The following CDK14 variants were observed in gnomAD, a reference collection of about 807,000 sequenced individuals.
The protein encoded by CDK14 is cyclin-dependent kinase 14.
CDK14 carries 34 observed loss-of-function variants against 60.7 expected under a neutral mutation model. The observed-to-expected ratio is 0.56, with a 90% CI of 0.43 to 0.75. The LOEUF (loss-of-function observed/expected upper bound fraction) is 0.75. Among genes scored for constraint, CDK14 ranks in the 30% least tolerant of loss-of-function variants. The probability of loss-of-function intolerance (pLI) is 0.00; values close to 1 mark genes in which losing one functional copy is unlikely to be tolerated. For missense variants in CDK14, 482 were observed against 564.1 expected (o/e 0.85, Z 1.47); for synonymous variants, 197 against 203.7 (o/e 0.97, Z 0.28).
intron 5 of CDK14, among the ~76,000 whole-genome samples, chr7:90,810,929 A>C (rs1789074404): frequency 6.6e-6 from 1 of 152,130 alleles, no homozygotes; most frequent in Admixed American, 6.6e-5. Flanking sequence ...GGACCTCTTC[A>C]AGGAGAACTA....
chr7:91,181,365 T>C (rs1240519024), intron 14 of CDK14, among the ~76,000 whole-genome samples: 1 of 152,152 alleles, frequency 6.6e-6, no homozygotes, highest in Non-Finnish European at 1.5e-5. Flanking sequence ...TCCCATATTT[T>C]CTACAAATTG....
Position 90,639,093 on chromosome 7 carries a change from G to C in CDK14, c.123+34844G>C, listed in dbSNP as rs1320130505. On this transcript the variant is annotated intron_variant, in intron 2 of 14. Transcript: ENST00000380050. ...TGGTTTGAATTTCCTCCTGTAGCTC[G>C]GAGTAATTTGATCGTCTGAAGCCTT... is the stretch of plus-strand genomic sequence containing the variant. Among the ~76,000 whole-genome samples the C allele has an allele frequency of 3.3e-5, 5 of 152,128 alleles. No individual in the cohort carries two copies. In the East Asian group the frequency reaches 9.6e-4, roughly 29 times the overall value.
chr7:90,732,643 A>G (rs113419121), intron 3 of CDK14, among the ~76,000 whole-genome samples: 20,894 of 152,018 alleles, frequency 0.14, 1,690 homozygotes, highest in Middle Eastern at 0.24. Context: ...TATTTATAGT[A>G]TTTTCTGATA....
At chr7:91,109,652 A>G (rs1401141060) in intron 12 of CDK14, among the ~76,000 whole-genome samples, 2 of 152,100 alleles carry the variant, frequency 1.3e-5, no homozygotes, top group South Asian at 2.1e-4. Context: ...TCCTTGAGAG[A>G]TGAGGATTAT....
chr7:90,801,910 A>G (rs1483061157), intron 5 of CDK14, among the ~76,000 whole-genome samples: 1 of 152,132 alleles, frequency 6.6e-6, no homozygotes, highest in Non-Finnish European at 1.5e-5. Flanking sequence ...TTCCCAGTGG[A>G]GAGAGGACAT....
chr7:90,807,214 A>C (rs1788884413), intron 5 of CDK14, among the ~76,000 whole-genome samples: 1 of 152,158 alleles, frequency 6.6e-6, no homozygotes. Flanking sequence ...GGGAGGCACC[A>C]CCCAGTAGGG....
intron 14 of CDK14, among the ~76,000 whole-genome samples, chr7:91,205,787 T>C (rs1802877384): frequency 6.6e-6 from 1 of 151,974 alleles, no homozygotes; most frequent in African/African-American, 2.4e-5. Flanking sequence ...AGAATGCTCT[T>C]TTTATTTTTA....
intron 2 of CDK14, among the ~76,000 whole-genome samples, chr7:90,634,430 A>AT (rs1800082218): frequency 6.6e-6 from 1 of 150,594 alleles, no homozygotes; most frequent in South Asian, 2.1e-4. Context: ...ATGATTTCCA[A>AT]TTTCATCCAT....
chr7:91,071,679 G>A (rs927440302), intron 11 of CDK14, among the ~76,000 whole-genome samples: 9 of 152,198 alleles, frequency 5.9e-5, no homozygotes, highest in East Asian at 5.8e-4. Context: ...CCACAGCTGC[G>A]GGTGCCTGCT....
chr7:91,171,376 T>A (rs1801513297), intron 14 of CDK14, among the ~76,000 whole-genome samples: 1 of 152,016 alleles, frequency 6.6e-6, no homozygotes, highest in African/African-American at 2.4e-5. Flanking sequence ...AAAAATAAAC[T>A]GACTTTTCCA....
intron 7 of CDK14, among the ~76,000 whole-genome samples, chr7:90,905,180 T>G (rs1792651777): frequency 6.6e-6 from 1 of 152,128 alleles, no homozygotes. Context: ...GGGATGACAA[T>G]TGTGCATCAG....
At chr7:90,862,247 T>A (rs1213046035) in intron 5 of CDK14, among the ~76,000 whole-genome samples, 2 of 152,128 alleles carry the variant, frequency 1.3e-5, no homozygotes, top group African/African-American at 4.8e-5. Context: ...AGTCAGAGAT[T>A]GGCAAAATGC....
intron 4 of CDK14, among the ~76,000 whole-genome samples, chr7:90,750,153 AACACACACAC>A (rs3138824): frequency 0.13 from 17,719 of 131,312 alleles, 1,319 homozygotes; most frequent in Non-Finnish European, 0.18. Context: ...GGGGAAAGAA[AACACACACAC>A]ACACACACAC....
chr7:91,016,410 G>A (rs62468494), intron 10 of CDK14, among the ~76,000 whole-genome samples: 5,249 of 152,076 alleles, frequency 0.035, 116 homozygotes, highest in South Asian at 0.071. Flanking sequence ...TTGATGAAAA[G>A]CCATCAAGCC....
intron 6 of CDK14, among the ~76,000 whole-genome samples, chr7:90,886,174 T>C (rs1791940681): frequency 6.6e-6 from 1 of 152,218 alleles, no homozygotes; most frequent in Admixed American, 6.5e-5. Context: ...ATGAGGGCAC[T>C]GAGTTGGCTT....
intron 2 of CDK14, among the ~76,000 whole-genome samples, chr7:90,690,539 A>G (rs1584795857): frequency 6.6e-6 from 1 of 152,284 alleles, no homozygotes; most frequent in African/African-American, 2.4e-5. Flanking sequence ...TTGTTTATAA[A>G]GTATTATTAA....
intron 3 of CDK14, among the ~76,000 whole-genome samples, chr7:90,737,017 A>G (rs1042159397): frequency 1.3e-5 from 2 of 152,204 alleles, no homozygotes; most frequent in African/African-American, 4.8e-5. Flanking sequence ...ATATTTTAAG[A>G]GGGTGTTTAA....
At chr7:91,118,602 C>T (rs1300579219) in intron 14 of CDK14, among the ~76,000 whole-genome samples, 2 of 152,190 alleles carry the variant, frequency 1.3e-5, no homozygotes, top group Admixed American at 6.5e-5. Flanking sequence ...GGAGATTACA[C>T]ACAAAATCTA....
intron 7 of CDK14, among the ~76,000 whole-genome samples, chr7:90,908,550 A>T (rs1409074532): frequency 1.3e-5 from 2 of 150,280 alleles, no homozygotes; most frequent in Non-Finnish European, 2.9e-5. Flanking sequence ...CCTGGGCTTT[A>T]CACTCGTCAC....
Sources: allele counts gnomAD v4.1 joint callset (sites outside exome capture counted in the v4.1 genomes callset), GRCh38; gene constraint gnomAD v4.1.1; transcripts MANE v1.5; gene names NCBI Gene and HGNC (gene_info 2026-07-23, HGNC 2026-07-21).